PIK3C2G: variants seen among roughly 807,000 people sequenced by gnomAD.
PIK3C2G encodes the protein phosphatidylinositol 3-kinase C2 domain-containing subunit gamma.
In PIK3C2G, 168 loss-of-function variants were observed where a neutral mutation model predicts 181.1. That is an observed-to-expected ratio of 0.93 (90% CI 0.82 to 1.05). The LOEUF (loss-of-function observed/expected upper bound fraction) is 1.05. Among genes scored for constraint, PIK3C2G ranks in the 50% least tolerant of loss-of-function variants. PIK3C2G has a pLI of 0.00. For synonymous variants in PIK3C2G, 573 were observed against 592.2 expected (o/e 0.97, Z 0.47); for missense variants, 1,869 against 1,732.8 (o/e 1.08, Z -1.40).
At chr12:18,683,694 A>C in the PIK3C2G span, 1 of 1,161,088 alleles carries the variant, frequency 8.6e-7, no homozygotes, top group East Asian at 5.1e-5. Context: ...TCACCCTGGA[A>C]AGGTGACTCT....
intron 18 of PIK3C2G, among the ~76,000 whole-genome samples, chr12:18,485,911 A>AT (rs1471361507): frequency 1.3e-5 from 2 of 152,184 alleles, no homozygotes; most frequent in African/African-American, 4.8e-5. Context: ...GAGGCAATGG[A>AT]TAAAAACTAC....
intron 14 of PIK3C2G, among the ~76,000 whole-genome samples, chr12:18,384,157 G>T (rs1943024712): frequency 6.6e-6 from 1 of 151,864 alleles, no homozygotes; most frequent in South Asian, 2.1e-4. Flanking sequence ...AGTGATCTAA[G>T]TTAAGGATCA....
chr12:18,656,829 C>T, the PIK3C2G span, among the ~76,000 whole-genome samples: 32 of 152,226 alleles, frequency 2.1e-4, no homozygotes, highest in African/African-American at 7.5e-4. Flanking sequence ...TGAAACCAAT[C>T]AAATTTTGCA....
intron 30 of PIK3C2G, among the ~76,000 whole-genome samples, chr12:18,597,230 T>C (rs1214741425): frequency 1.3e-5 from 2 of 149,774 alleles, no homozygotes; most frequent in South Asian, 2.1e-4. Context: ...GTAGATGAAA[T>C]AGAGTTAGAA....
At chr12:18,663,042 C>G in the PIK3C2G span, among the ~76,000 whole-genome samples, 7 of 152,022 alleles carry the variant, frequency 4.6e-5, no homozygotes, top group African/African-American at 1.7e-4. Flanking sequence ...ATTAAACTCT[C>G]TCCAGTCAAA....
intron 31 of PIK3C2G, among the ~76,000 whole-genome samples, chr12:18,618,375 C>T (rs1284355292): frequency 6.6e-6 from 1 of 152,142 alleles, no homozygotes; most frequent in African/African-American, 2.4e-5. Context: ...TTGAGCAGGA[C>T]AGACTTATAT....
At position 18,517,031 on chromosome 12, in the gene PIK3C2G, CT is replaced by C. The variant is rs3983627; in HGVS notation, c.3323+11584del. 4.1e-3 allele frequency among the ~76,000 whole-genome samples: 575 copies of C among 139,624 alleles called. 1 individual carries two copies. Among genetic ancestry groups the C allele is most frequent in the African/African-American group, 5.6e-3 (216 of 38,396 alleles). The allele number at this position is 139,624 out of a possible 152,430, so 91.6% of individuals were successfully genotyped here. A position where few individuals can be genotyped will look rare whatever the true frequency, so the allele number is the denominator to read the frequency against. On this transcript the variant is annotated intron_variant, in intron 24 of 32. Transcript: ENST00000538779. Reference sequence around the variant, plus strand: ...TTCTTTTTTCTTTGCTTTGCTTTTCCTTTTTTTTTTTTTTGACAGTGTCAAC... The same window carrying C: ...TTCTTTTTTCTTTGCTTTGCTTTTCCTTTTTTTTTTTTTGACAGTGTCAAC...
intron 6 of PIK3C2G, 143 bp from the exon 7 acceptor site, chr12:18,320,819 G>A: frequency 1.7e-6 from 1 of 575,938 alleles, no homozygotes; most frequent in South Asian, 2.5e-5. Flanking sequence ...GCCTTTTAAG[G>A]TCTTTCAGAC....
chr12:18,397,055 T>C (rs1943935671), intron 15 of PIK3C2G, among the ~76,000 whole-genome samples: 1 of 151,922 alleles, frequency 6.6e-6, no homozygotes. Context: ...AATGTGATAT[T>C]GCTTAAGGAC....
At chr12:18,389,275 C>G (rs568160564) in intron 14 of PIK3C2G, among the ~76,000 whole-genome samples, 1 of 151,970 alleles carries the variant, frequency 6.6e-6, no homozygotes, top group Non-Finnish European at 1.5e-5. Flanking sequence ...ATGGCGTGAA[C>G]CCGGCAGGTG....
rs185953210 is a variant in PIK3C2G at position 18,578,057 on chromosome 12, G to A, written c.4011+11000G>A. Among the ~76,000 whole-genome samples the A allele has an allele frequency of 2.8e-4, 43 of 152,270 alleles. No individual in the cohort carries two copies. The East Asian group carries it at 8.3e-3, about 29-fold the overall frequency. ...AAACTGGGAAGGTTTTAAAGGGATT[G>A]TTCAGAGCCCCATCCTTAAACATGC... On this transcript the variant is annotated intron_variant, in intron 29 of 32. Transcript: ENST00000538779.
At chr12:18,588,840 C>T (rs1946923615) in intron 29 of PIK3C2G, among the ~76,000 whole-genome samples, 1 of 152,104 alleles carries the variant, frequency 6.6e-6, no homozygotes, top group Non-Finnish European at 1.5e-5. Context: ...ATGGAATCAA[C>T]CTAAATGCCC....
At chr12:18,264,806 G>A (rs1223121706) in intron 1 of PIK3C2G, among the ~76,000 whole-genome samples, 1 of 152,072 alleles carries the variant, frequency 6.6e-6, no homozygotes, top group Non-Finnish European at 1.5e-5. Flanking sequence ...CTCTCTCTGG[G>A]CGTGGGGAGA....
At chr12:18,457,023 G>A (rs938773322) in intron 18 of PIK3C2G, among the ~76,000 whole-genome samples, 5 of 151,994 alleles carry the variant, frequency 3.3e-5, no homozygotes, top group Non-Finnish European at 7.4e-5. Flanking sequence ...CAAAAAAAAT[G>A]GTGACTTTCA....
rs933632230 is a variant in PIK3C2G, at chr12:18,325,170, T to C, written c.1272+72T>C. ...ACGCATCTACTATTTTTCTAAAACTTTGCAAATTTTGAAGATGACAAAAAT... is the reference window on the plus strand; with the variant it reads ...ACGCATCTACTATTTTTCTAAAACTCTGCAAATTTTGAAGATGACAAAAAT... On this transcript the variant is annotated intron_variant, in intron 8 of 32. Coordinates refer to ENST00000538779, the MANE Select transcript of PIK3C2G (RefSeq NM_001288772.2). 6.1e-6 allele frequency: 5 copies of C among 818,692 alleles called. No homozygotes were observed. The African/African-American group carries it at 8.6e-5, about 14-fold the overall frequency. 50.7% of individuals were successfully genotyped at this position (818,692 alleles called of 1,614,324 possible). A position where few individuals can be genotyped will look rare whatever the true frequency, so the allele number is the denominator to read the frequency against.
rs1438117338 is a variant in PIK3C2G, at chr12:18,566,934, T to C, written c.3903-15T>C. 1.4e-6 allele frequency: 2 copies of C among 1,398,382 alleles called. No individual in the cohort carries two copies. The highest frequency in any genetic ancestry group is 3.4e-5 in the Admixed American group (2 of 57,974). The allele number at this position is 1,398,382 out of a possible 1,614,324, so 86.6% of individuals were successfully genotyped here. ...TTCAAACTAATGAAGATAACTTTTT[T>C]TTCTCTTAAAACAGGTTTCCTCATT... On this transcript the variant is annotated splice_polypyrimidine_tract_variant and intron_variant, in intron 28 of 32. Transcript: ENST00000538779.
intron 18 of PIK3C2G, among the ~76,000 whole-genome samples, chr12:18,445,738 CT>C (rs922907709): frequency 1.3e-5 from 2 of 152,066 alleles, no homozygotes; most frequent in Non-Finnish European, 2.9e-5. Flanking sequence ...ATCTTATTTA[CT>C]TTAGAAAGCA....
At chr12:18,314,337 G>C (rs1396770242) in intron 6 of PIK3C2G, among the ~76,000 whole-genome samples, 1 of 152,166 alleles carries the variant, frequency 6.6e-6, no homozygotes, top group East Asian at 1.9e-4. Flanking sequence ...TGAGGCCCTG[G>C]GTGATAGTAT....
chr12:18,319,374 T>C (rs1366444732), intron 6 of PIK3C2G, among the ~76,000 whole-genome samples: 1 of 152,112 alleles, frequency 6.6e-6, no homozygotes, highest in Non-Finnish European at 1.5e-5. Flanking sequence ...GGCCAAGGTA[T>C]GGCCTCAGCT....
Sources: allele counts gnomAD v4.1 joint callset (sites outside exome capture counted in the v4.1 genomes callset), GRCh38; gene constraint gnomAD v4.1.1; transcripts MANE v1.5; gene names NCBI Gene and HGNC (gene_info 2026-07-23, HGNC 2026-07-21).